The following SEMA6D variants were observed in gnomAD, a reference collection of about 807,000 sequenced individuals.
SEMA6D encodes semaphorin-6D.
A neutral mutation model predicts 106.6 loss-of-function variants in SEMA6D; 35 were observed. That is an observed-to-expected ratio of 0.33 (90% CI 0.25 to 0.44). SEMA6D has a LOEUF of 0.44. Ranked by LOEUF, SEMA6D falls within the 20% of genes least tolerant of loss-of-function variation. The pLI is 1.00. For synonymous variants in SEMA6D, 499 were observed against 487.7 expected (o/e 1.02, Z -0.31); for missense variants, 1,185 against 1,345.9 (o/e 0.88, Z 1.87).
intron 1 of SEMA6D, among the ~76,000 whole-genome samples, chr15:47,326,443 A>T (rs1217368025): frequency 6.6e-6 from 1 of 152,234 alleles, no homozygotes. Flanking sequence ...TTTCTAAGGC[A>T]TTCACTTGGT....
At chr15:47,378,946 C>A (rs1328164259) in intron 1 of SEMA6D, among the ~76,000 whole-genome samples, 2 of 152,168 alleles carry the variant, frequency 1.3e-5, no homozygotes, top group African/African-American at 2.4e-5. Context: ...GGAAGACATA[C>A]ACTTCGTTTT....
intron 4 of SEMA6D, among the ~76,000 whole-genome samples, chr15:47,602,031 G>A (rs955144552): frequency 1.3e-5 from 2 of 152,066 alleles, no homozygotes; most frequent in African/African-American, 4.8e-5. Context: ...CCCCCATATT[G>A]AGTTCTTAAA....
chr15:47,377,183 A>G (rs1038640841), intron 1 of SEMA6D, among the ~76,000 whole-genome samples: 2 of 152,262 alleles, frequency 1.3e-5, no homozygotes, highest in Non-Finnish European at 2.9e-5. Context: ...GCAGGATGAT[A>G]GTAATAATCT....
chr15:47,468,457 G>A (rs1008673669), intron 2 of SEMA6D, among the ~76,000 whole-genome samples: 8 of 152,272 alleles, frequency 5.3e-5, no homozygotes, highest in African/African-American at 1.9e-4. Context: ...GTGGGTGAAA[G>A]CTCGGCTCTG....
intron 17 of SEMA6D, chr15:47,767,306 T>C (rs897869961): frequency 4.9e-6 from 2 of 407,038 alleles, no homozygotes; most frequent in Non-Finnish European, 8.8e-6. Flanking sequence ...CCAAGCCACA[T>C]CCTTTAAGAA....
intron 2 of SEMA6D, among the ~76,000 whole-genome samples, chr15:47,446,773 C>T (rs1260696823): frequency 1.3e-5 from 2 of 152,066 alleles, no homozygotes; most frequent in African/African-American, 2.4e-5. Context: ...CATCACCTAC[C>T]TTAATTTTAA....
At chr15:47,532,055 C>G (rs992770522) in intron 3 of SEMA6D, among the ~76,000 whole-genome samples, 1 of 152,184 alleles carries the variant, frequency 6.6e-6, no homozygotes, top group Non-Finnish European at 1.5e-5. Context: ...TCCTCTGCCT[C>G]TCTTTTTGGT....
intron 1 of SEMA6D, among the ~76,000 whole-genome samples, chr15:47,225,168 C>A (rs866437623): frequency 3.3e-5 from 5 of 151,932 alleles, no homozygotes; most frequent in Admixed American, 1.3e-4. Context: ...TTCATATACA[C>A]CCTGCCCCCT....
At chr15:47,297,233 G>C (rs551619094) in intron 1 of SEMA6D, among the ~76,000 whole-genome samples, 2 of 152,098 alleles carry the variant, frequency 1.3e-5, no homozygotes, top group Non-Finnish European at 2.9e-5. Flanking sequence ...GGCCCTAAAG[G>C]CATAAAACAT....
chr15:47,215,667 T>C (rs2030520588), intron 1 of SEMA6D, among the ~76,000 whole-genome samples: 1 of 152,164 alleles, frequency 6.6e-6, no homozygotes, highest in African/African-American at 2.4e-5. Flanking sequence ...ATATAATAAA[T>C]CAGTTTCACA....
chr15:47,252,398 G>A (rs1356693874), intron 1 of SEMA6D, among the ~76,000 whole-genome samples: 1 of 152,058 alleles, frequency 6.6e-6, no homozygotes, highest in African/African-American at 2.4e-5. Context: ...TCTTTGTGGT[G>A]ATAACTTTCA....
intron 2 of SEMA6D, among the ~76,000 whole-genome samples, chr15:47,466,214 A>G (rs537428358): frequency 3.3e-5 from 5 of 152,284 alleles, no homozygotes; most frequent in African/African-American, 1.2e-4. Flanking sequence ...GATGCAATAC[A>G]TTATTATTAA....
chr15:47,233,253 T>C (rs2032326537), intron 1 of SEMA6D, among the ~76,000 whole-genome samples: 1 of 152,030 alleles, frequency 6.6e-6, no homozygotes, highest in South Asian at 2.1e-4. Context: ...CAGTTGATCA[T>C]AGGCATGAGT....
chr15:47,436,772 T>A (rs375593896), intron 2 of SEMA6D, among the ~76,000 whole-genome samples: 1,212 of 115,522 alleles, frequency 0.01, 14 homozygotes, highest in African/African-American at 0.035. Flanking sequence ...AAAAAAAATA[T>A]ATATATATAT....
intron 3 of SEMA6D, among the ~76,000 whole-genome samples, chr15:47,504,400 G>C (rs569300261): frequency 6.6e-6 from 1 of 152,240 alleles, no homozygotes; most frequent in East Asian, 1.9e-4. Flanking sequence ...GGAGAGAGGA[G>C]TTCAGTGCAA....
chr15:47,409,737 A>AGTAT (rs1458244269), intron 1 of SEMA6D, among the ~76,000 whole-genome samples: 1 of 152,182 alleles, frequency 6.6e-6, no homozygotes, highest in Non-Finnish European at 1.5e-5. Flanking sequence ...GGTTAAGACC[A>AGTAT]GTATCCTCAG....
chr15:47,363,807 C>T (rs889149258), intron 1 of SEMA6D, among the ~76,000 whole-genome samples: 2 of 152,164 alleles, frequency 1.3e-5, no homozygotes, highest in Non-Finnish European at 2.9e-5. Context: ...GTTTAATTAA[C>T]TTCCAGTTCT....
intron 3 of SEMA6D, among the ~76,000 whole-genome samples, chr15:47,560,960 G>A (rs2046062564): frequency 6.6e-6 from 1 of 151,482 alleles, no homozygotes; most frequent in Non-Finnish European, 1.5e-5. Context: ...TCTGCTTTCA[G>A]ATTTCTATCT....
intron 1 of SEMA6D, among the ~76,000 whole-genome samples, chr15:47,324,476 G>A (rs979924392): frequency 2.6e-5 from 4 of 151,830 alleles, no homozygotes; most frequent in East Asian, 1.9e-4. Context: ...TAAAAACTGC[G>A]GACTTCAACA....
Sources: allele counts gnomAD v4.1 joint callset (sites outside exome capture counted in the v4.1 genomes callset), GRCh38; gene constraint gnomAD v4.1.1; transcripts MANE v1.5; gene names NCBI Gene and HGNC (gene_info 2026-07-23, HGNC 2026-07-21).